The following CHCHD6 variants were observed in gnomAD, a reference collection of about 807,000 sequenced individuals.
CHCHD6 encodes the protein MICOS complex subunit MIC25.
CHCHD6 carries 28 observed loss-of-function variants against 32.3 expected under a neutral mutation model. The observed-to-expected ratio is 0.87, with a 90% CI of 0.64 to 1.19. CHCHD6 has a LOEUF of 1.19. CHCHD6 is among the 50% of genes most tolerant of loss of function. The pLI, the probability that CHCHD6 is intolerant of heterozygous loss-of-function variation, is 0.00. For missense variants in CHCHD6, 333 were observed against 307.0 expected, an observed-to-expected ratio of 1.08 and a Z score of -0.63; for synonymous variants, 122 against 117.5, an observed-to-expected ratio of 1.04 and a Z score of -0.25.
rs1238831471 is a variant in CHCHD6 at position 126,909,914 on chromosome 3, C to T, written c.496-4766C>T. ...TGTGCTGCAGGGTTCCAGGAGCTCT[C>T]GAGAACTGACGGCCTAGCCGGGGAG... On this transcript the variant is annotated intron_variant, in intron 5 of 7. Transcript: ENST00000290913. Among the ~76,000 whole-genome samples, 5 of 152,294 alleles carry T rather than the reference C, an allele frequency of 3.3e-5. No individual in the cohort carries two copies. In the East Asian group the frequency reaches 9.7e-4, roughly 29 times the overall value.
chr3:126,868,005 CCCTATTCCAGT>C (rs1481068215), intron 5 of CHCHD6, among the ~76,000 whole-genome samples: 2 of 152,224 alleles, frequency 1.3e-5, no homozygotes, highest in Non-Finnish European at 2.9e-5. Flanking sequence ...TGGCTCCAGG[CCCTATTCCAGT>C]CACACCTGGC....
At chr3:126,911,394 G>T (rs1186617564) in intron 5 of CHCHD6, among the ~76,000 whole-genome samples, 2 of 152,244 alleles carry the variant, frequency 1.3e-5, no homozygotes, top group Non-Finnish European at 2.9e-5. Flanking sequence ...CACTCCAGCA[G>T]CCTTGGAAAG....
In CHCHD6 at chr3:126,798,455, A is replaced by G. The variant is rs183790259; in HGVS notation, c.412-54192A>G. Among the ~76,000 whole-genome samples, 5 of 152,338 alleles carry G rather than the reference A, an allele frequency of 3.3e-5. No homozygotes were observed. The East Asian group carries it at 9.6e-4, about 29-fold the overall frequency. ...ACCTCCCTTGCTTTCAGGATGGGCC[A>G]CAGTTTGATCTGGAAACTAAATGTG... On this transcript the variant is annotated intron_variant, in intron 4 of 7. Transcript: ENST00000290913.
At chr3:126,711,405 T>C (rs16837708) in intron 1 of CHCHD6, among the ~76,000 whole-genome samples, 43,946 of 152,118 alleles carry the variant, frequency 0.29, 7,821 homozygotes, top group African/African-American at 0.49. Context: ...ACTGTTTCAG[T>C]TTGAACATGG....
chr3:126,737,408 A>ATATATATATG (rs1559814300), intron 4 of CHCHD6, among the ~76,000 whole-genome samples: 2 of 147,514 alleles, frequency 1.4e-5, no homozygotes, highest in African/African-American at 4.9e-5. Flanking sequence ...ATATATATAT[A>ATATATATATG]TATATATATA....
chr3:126,830,683 A>G (rs1310704510), intron 4 of CHCHD6, among the ~76,000 whole-genome samples: 2 of 152,106 alleles, frequency 1.3e-5, no homozygotes, highest in Non-Finnish European at 2.9e-5. Flanking sequence ...TGTTGTCCGC[A>G]CGGTTTTCTT....
At chr3:126,866,233 T>C (rs1052584785) in intron 5 of CHCHD6, among the ~76,000 whole-genome samples, 4 of 152,142 alleles carry the variant, frequency 2.6e-5, no homozygotes, top group Admixed American at 6.5e-5. Flanking sequence ...CCAAAGCTGG[T>C]TTTCTTGGTG....
intron 4 of CHCHD6, among the ~76,000 whole-genome samples, chr3:126,802,545 C>T (rs1212784929): frequency 1.3e-5 from 2 of 152,110 alleles, no homozygotes; most frequent in African/African-American, 4.8e-5. Context: ...AGAAAGCCTC[C>T]AAGAAATATG....
chr3:126,863,662 T>A (rs1425980809), intron 5 of CHCHD6, among the ~76,000 whole-genome samples: 1 of 114,732 alleles, frequency 8.7e-6, no homozygotes, highest in Non-Finnish European at 1.8e-5. Context: ...CTCCCCCTCC[T>A]CCACCATCAC....
intron 6 of CHCHD6, among the ~76,000 whole-genome samples, chr3:126,956,481 A>G (rs1384108974): frequency 6.6e-6 from 1 of 152,212 alleles, no homozygotes; most frequent in African/African-American, 2.4e-5. Context: ...AGCATGATGA[A>G]CGATAGTGTC....
intron 5 of CHCHD6, among the ~76,000 whole-genome samples, chr3:126,875,665 G>T (rs188181685): frequency 6.6e-6 from 1 of 152,210 alleles, no homozygotes; most frequent in Non-Finnish European, 1.5e-5. Context: ...GTTTAGAGGT[G>T]CGTCAGTGTC....
At chr3:126,795,860 T>G (rs1246752938) in intron 4 of CHCHD6, among the ~76,000 whole-genome samples, 1 of 152,198 alleles carries the variant, frequency 6.6e-6, no homozygotes, top group East Asian at 1.9e-4. Flanking sequence ...CTTACCCTTC[T>G]GCTGGGGCTC....
intron 4 of CHCHD6, among the ~76,000 whole-genome samples, chr3:126,833,128 C>T (rs570327088): frequency 9.2e-5 from 14 of 152,342 alleles, no homozygotes; most frequent in South Asian, 2.1e-4. Flanking sequence ...TGCACATGCA[C>T]ACACACATGT....
chr3:126,712,510 C>T (rs1934796656), intron 1 of CHCHD6, among the ~76,000 whole-genome samples: 3 of 152,172 alleles, frequency 2.0e-5, no homozygotes, highest in African/African-American at 7.2e-5. Context: ...AGGCTCATCT[C>T]GGGCCAGTTC....
intron 5 of CHCHD6, among the ~76,000 whole-genome samples, chr3:126,901,556 G>A (rs1008741811): frequency 2.0e-5 from 3 of 152,322 alleles, no homozygotes; most frequent in Admixed American, 1.3e-4. Context: ...CCACCAACAG[G>A]AATTGACTCA....
At chr3:126,723,884 T>C (rs1204479986) in intron 1 of CHCHD6, among the ~76,000 whole-genome samples, 1 of 152,246 alleles carries the variant, frequency 6.6e-6, no homozygotes, top group Non-Finnish European at 1.5e-5. Context: ...CGCTGTGTTT[T>C]ATGATGCCTT....
At chr3:126,808,151 C>A (rs1367622737) in intron 4 of CHCHD6, among the ~76,000 whole-genome samples, 1 of 152,162 alleles carries the variant, frequency 6.6e-6, no homozygotes, top group Non-Finnish European at 1.5e-5. Flanking sequence ...CATTTCTGCA[C>A]TCATTCAGAT....
chr3:126,954,082 T>C (rs1485584913), intron 6 of CHCHD6, among the ~76,000 whole-genome samples: 1 of 152,216 alleles, frequency 6.6e-6, no homozygotes, highest in African/African-American at 2.4e-5. Context: ...ATTCAGAGCC[T>C]TTTTGTGGAC....
intron 5 of CHCHD6, among the ~76,000 whole-genome samples, chr3:126,889,501 C>T (rs1307944532): frequency 6.6e-6 from 1 of 152,182 alleles, no homozygotes; most frequent in African/African-American, 2.4e-5. Context: ...CAGCACCCAC[C>T]AGGGCTGTGC....
Sources: gnomAD v4.1 joint callset for allele counts (sites outside exome capture counted in the v4.1 genomes callset) on GRCh38, gnomAD v4.1.1 for gene constraint, MANE v1.5 for transcripts, NCBI Gene and HGNC (gene_info 2026-07-23, HGNC 2026-07-21) for gene names.